DOCK4: variants seen among roughly 807,000 people sequenced by gnomAD.
The protein encoded by DOCK4 is dedicator of cytokinesis 4, also known as dedicator of cytokinesis protein 4.
In DOCK4, 97 loss-of-function variants were observed where a neutral mutation model predicts 268.1. The observed-to-expected ratio is 0.36, with a 90% CI of 0.31 to 0.43. The LOEUF (loss-of-function observed/expected upper bound fraction) is 0.43, where lower values mean the gene tolerates loss of function less well. Ranked by LOEUF, DOCK4 falls within the 20% of genes least tolerant of loss-of-function variation. The pLI is 1.00. For missense variants in DOCK4, 2,145 were observed against 2,455.7 expected (o/e 0.87, Z 2.67); for synonymous variants, 954 against 887.2 (o/e 1.08, Z -1.34).
chr7:111,755,590 C>T lies in DOCK4; in HGVS notation c.4341G>A (p.Val1447=). 2 of 1,613,900 alleles carry T rather than the reference C, an allele frequency of 1.2e-6. No individual in the cohort carries two copies. Among genetic ancestry groups the T allele is most frequent in the Middle Eastern group, 3.3e-4 (2 of 6,062 alleles). ...GCACCAAGTATAATGACGTTCTCTC[C>T]ACCCAGAGACTCTACAAAACACAAA... ...DKENEFKSLW[V]ERTSLYLVQS... Residue 1447 remains valine (V), a synonymous_variant, in exon 42 of 53, where the codon GTG becomes GTA. Coordinates refer to ENST00000428084, the MANE Select transcript of DOCK4 (RefSeq NM_001363540.2).
intron 32 of DOCK4, among the ~76,000 whole-genome samples, chr7:111,787,073 G>A (rs890654367): frequency 6.6e-6 from 1 of 152,060 alleles, no homozygotes; most frequent in Admixed American, 6.6e-5. Context: ...TTCTCATGTC[G>A]AGGTACATCT....
intron 8 of DOCK4, among the ~76,000 whole-genome samples, chr7:111,969,448 A>C (rs1275217237): frequency 1.3e-5 from 2 of 151,180 alleles, no homozygotes; most frequent in Admixed American, 6.6e-5. Flanking sequence ...AAACAAAAAA[A>C]CAAAAAAACA....
intron 1 of DOCK4, among the ~76,000 whole-genome samples, chr7:112,169,999 C>T (rs1476876111): frequency 6.6e-6 from 1 of 152,118 alleles, no homozygotes; most frequent in Non-Finnish European, 1.5e-5. Context: ...GATTTTTACA[C>T]AACCCCTGTA....
chr7:112,036,656 CT>C (rs57264652), intron 1 of DOCK4, among the ~76,000 whole-genome samples: 101,407 of 106,272 alleles, frequency 0.95, 48,504 homozygotes, highest in South Asian at 0.98. Flanking sequence ...TAGAGGATTT[CT>C]TTTTTTTTTT....
intron 22 of DOCK4, among the ~76,000 whole-genome samples, chr7:111,867,435 T>C (rs191086343): frequency 6.6e-5 from 10 of 152,212 alleles, no homozygotes; most frequent in Non-Finnish European, 1.0e-4. Context: ...ATTTGGGAAG[T>C]AGATGGATCC....
At chr7:111,885,026 T>TA (rs1411203254) in intron 16 of DOCK4, among the ~76,000 whole-genome samples, 1 of 152,154 alleles carries the variant, frequency 6.6e-6, no homozygotes, top group East Asian at 1.9e-4. Flanking sequence ...GAGTATGGAC[T>TA]GGAGAAAACA....
At chr7:111,892,895 C>T (rs1353208190) in intron 16 of DOCK4, among the ~76,000 whole-genome samples, 2 of 152,132 alleles carry the variant, frequency 1.3e-5, no homozygotes, top group African/African-American at 4.8e-5. Context: ...ATAAGAAATA[C>T]TAAATAACCC....
intron 15 of DOCK4, among the ~76,000 whole-genome samples, chr7:111,896,893 T>C (rs1808803649): frequency 6.6e-6 from 1 of 152,156 alleles, no homozygotes; most frequent in African/African-American, 2.4e-5. Flanking sequence ...ATCATTAATT[T>C]CAACCCCATA....
intron 26 of DOCK4, among the ~76,000 whole-genome samples, chr7:111,824,368 C>T: frequency 6.6e-6 from 1 of 152,210 alleles, no homozygotes; most frequent in East Asian, 1.9e-4. Flanking sequence ...AGTTATACCC[C>T]ACTTCAGTTT....
chr7:111,901,719 T>C lies in DOCK4; in HGVS notation c.1275A>G (p.Glu425=). The change falls in exon 14 of 53, where the codon GAA becomes GAG. Residue 425 remains glutamate, a synonymous_variant. Coordinates refer to ENST00000428084, the MANE Select transcript of DOCK4 (RefSeq NM_001363540.2). ...KGGKSVARNV[E]VTMFIVDSSG... ...TACTGTCTACAATGAACATCGTAAC[T>C]TCCACATTTCTGGCCACGCTCTTCC... 1.2e-6 allele frequency: 2 copies of C among 1,613,724 alleles called. No individual in the cohort carries two copies. The highest frequency in any genetic ancestry group is 1.7e-6 in the Non-Finnish European group (2 of 1,179,750).
At chr7:111,730,635 T>TA (rs113207446) in intron 52 of DOCK4, among the ~76,000 whole-genome samples, 20,573 of 147,372 alleles carry the variant, frequency 0.14, 2,209 homozygotes, top group African/African-American at 0.31. Context: ...CTGGCTGGGG[T>TA]AAAAAAAAAA....
At chr7:111,743,568 C>T (rs1205594597) in intron 44 of DOCK4, among the ~76,000 whole-genome samples, 1 of 152,184 alleles carries the variant, frequency 6.6e-6, no homozygotes, top group African/African-American at 2.4e-5. Context: ...CAGAGGCCCC[C>T]AGTCTTCTCC....
intron 26 of DOCK4, among the ~76,000 whole-genome samples, chr7:111,823,563 C>T (rs1327444618): frequency 6.6e-6 from 1 of 152,012 alleles, no homozygotes; most frequent in Non-Finnish European, 1.5e-5. Context: ...CTATAGCATA[C>T]AATACTTAAA....
rs544591964 is a variant in DOCK4, at chr7:111,894,765, C to T, written c.1587+847G>A. Among the ~76,000 whole-genome samples the T allele has an allele frequency of 5.4e-3, 827 of 152,284 alleles. 6 individuals carry two copies. The highest frequency in any genetic ancestry group is 6.7e-3 in the Non-Finnish European group (458 of 68,012). On this transcript the variant is annotated intron_variant, in intron 16 of 52. Coordinates refer to ENST00000428084, the MANE Select transcript of DOCK4 (RefSeq NM_001363540.2). Reference sequence around the variant, plus strand: ...AGTGAGGCAGTAGGGAGGTAGAAGGCTGGCATGCCCTGAGATGCCTGGGAT... The same window carrying T: ...AGTGAGGCAGTAGGGAGGTAGAAGGTTGGCATGCCCTGAGATGCCTGGGAT...
At chr7:112,112,606 T>G (rs909234267) in intron 1 of DOCK4, among the ~76,000 whole-genome samples, 2 of 151,284 alleles carry the variant, frequency 1.3e-5, no homozygotes, top group East Asian at 3.9e-4. Flanking sequence ...ATAGTGCCAC[T>G]GCACTCCAGC....
At chr7:112,088,686 G>T (rs140000573) in intron 1 of DOCK4, among the ~76,000 whole-genome samples, 2 of 152,248 alleles carry the variant, frequency 1.3e-5, no homozygotes, top group Non-Finnish European at 2.9e-5. Flanking sequence ...TATCGGGCAG[G>T]ATTGTGTTAA....
intron 1 of DOCK4, among the ~76,000 whole-genome samples, chr7:112,012,312 A>G (rs1320825729): frequency 6.6e-6 from 1 of 152,132 alleles, no homozygotes; most frequent in Non-Finnish European, 1.5e-5. Context: ...GAGGAAAAAA[A>G]GCTGATAATA....
At chr7:111,782,714 C>T (rs754809177) in intron 35 of DOCK4, 150 bp downstream of exon 35, 2 of 815,190 alleles carry the variant, frequency 2.5e-6, no homozygotes, top group Non-Finnish European at 3.9e-6. Flanking sequence ...CTGCAGCTCA[C>T]TATGCTTCTC....
chr7:112,119,769 T>C (rs1051863108), intron 1 of DOCK4, among the ~76,000 whole-genome samples: 1 of 152,042 alleles, frequency 6.6e-6, no homozygotes, highest in Non-Finnish European at 1.5e-5. Flanking sequence ...ACCCATCTCA[T>C]GCAGCTGCCG....
Sources: allele counts gnomAD v4.1 joint callset (sites outside exome capture counted in the v4.1 genomes callset), GRCh38; gene constraint gnomAD v4.1.1; transcripts MANE v1.5; gene names NCBI Gene and HGNC (gene_info 2026-07-23, HGNC 2026-07-21).